Variants in GLDC observed in about 807,000 individuals in gnomAD.
GLDC encodes the protein glycine dehydrogenase (decarboxylating), mitochondrial.
In GLDC, 104 loss-of-function variants were observed where a neutral mutation model predicts 121.3. That is an observed-to-expected ratio of 0.86 (90% CI 0.73 to 1.01). The LOEUF is 1.01. Among genes scored for constraint, GLDC ranks in the 50% least tolerant of loss-of-function variants. The pLI is 0.00. For synonymous variants in GLDC, 546 were observed against 480.6 expected (o/e 1.14, Z -1.78); for missense variants, 1,429 against 1,306.6 (o/e 1.09, Z -1.44).
chr9:6,569,353 G>C (rs531692893), intron 15 of GLDC: 5 of 152,050 alleles, frequency 3.3e-5, no homozygotes, highest in Non-Finnish European at 5.9e-5. Context: ...AACATACTGA[G>C]AATTAGAAAT....
chr9:6,641,321 G>A (rs534397504), intron 2 of GLDC, among the ~76,000 whole-genome samples: 1 of 152,312 alleles, frequency 6.6e-6, no homozygotes, highest in Admixed American at 6.5e-5. Context: ...GTGTTCCCAC[G>A]TCTGTGCTGC....
chr9:6,550,787 T>A lies in GLDC; in HGVS notation c.2569+16A>T, dbSNP rs1421800551. ...GAAAAAAACCAAAGTAATGATAGAT[T>A]AAAGTTGATACTTGCCTCTTGCACC... is the stretch of plus-strand genomic sequence containing the variant. On this transcript the variant is annotated intron_variant, in intron 21 of 24. Transcript: ENST00000321612. 3.2e-6 allele frequency: 5 copies of A among 1,538,646 alleles called. No homozygotes were observed. In the East Asian group the frequency reaches 1.1e-4, roughly 35 times the overall value.
chr9:6,558,388 G>C lies in GLDC; in HGVS notation c.2052+171C>G, dbSNP rs146514919. On this transcript the variant is annotated intron_variant, in intron 17 of 24. Coordinates refer to ENST00000321612, the MANE Select transcript of GLDC (RefSeq NM_000170.3). ...ACACAAGCTGGAATTAGAAAACGGG[G>C]ATTTCTCCCTGTTGGTGATGGGAGG... 163 of 770,802 alleles carry C rather than the reference G, an allele frequency of 2.1e-4. No individual in the cohort carries two copies. In the African/African-American group the frequency reaches 2.6e-3, roughly 12 times the overall value. The allele number at this position is 770,802 out of a possible 1,614,324, so 47.7% of individuals were successfully genotyped here. A position where few individuals can be genotyped will look rare whatever the true frequency, so the allele number is the denominator to read the frequency against.
chr9:6,579,398 T>G (rs1818131818), intron 15 of GLDC, among the ~76,000 whole-genome samples: 1 of 152,236 alleles, frequency 6.6e-6, no homozygotes, highest in Non-Finnish European at 1.5e-5. Flanking sequence ...TCTGAGTTCC[T>G]TAACTTTTCC....
chr9:6,582,900 A>C (rs1818199707), intron 15 of GLDC, among the ~76,000 whole-genome samples: 1 of 152,218 alleles, frequency 6.6e-6, no homozygotes, highest in Admixed American at 6.5e-5. Flanking sequence ...AAATGGGCAA[A>C]GGACTTGAAT....
Position 6,533,086 on chromosome 9 carries a change from C to G in GLDC, c.2994G>C (p.Leu998=), listed in dbSNP as rs759229432. 1 of 1,611,676 alleles carries G rather than the reference C, an allele frequency of 6.2e-7. No homozygotes were observed. Among genetic ancestry groups the G allele is most frequent in the East Asian group, 2.2e-5 (1 of 44,864 alleles). The part of the protein sequence containing the change: ...RIDDIYGDQH[L]VCTCPPMEVY... ...CTTCCATGGGTGGGCAGGTACAAAC[C>G]AGGTGCTGATCTCCATATATGTCAT... The change falls in exon 25 of 25, where the codon CTG becomes CTC. Residue 998 remains leucine, a synonymous_variant. Coordinates refer to ENST00000321612, the MANE Select transcript of GLDC (RefSeq NM_000170.3).
intron 16 of GLDC, 107 bp from the exon 17 acceptor site, chr9:6,558,791 T>C: frequency 8.5e-7 from 1 of 1,172,768 alleles, no homozygotes; most frequent in Non-Finnish European, 1.3e-6. Context: ...ACACCACCTG[T>C]TTTTATTTAG....
chr9:6,562,999 C>G (rs1211828618), intron 16 of GLDC, among the ~76,000 whole-genome samples: 1 of 152,216 alleles, frequency 6.6e-6, no homozygotes, highest in Admixed American at 6.5e-5. Context: ...AGCCCCTCTC[C>G]CTCCTGCAGA....
chr9:6,556,628 A>C (rs1450847527), intron 17 of GLDC, among the ~76,000 whole-genome samples: 2 of 152,082 alleles, frequency 1.3e-5, no homozygotes. Flanking sequence ...CCCCGTCTCT[A>C]CTAAAAATAC....
intron 5 of GLDC, chr9:6,605,818 G>C (rs912634865): frequency 5.4e-5 from 11 of 204,370 alleles, no homozygotes; most frequent in Non-Finnish European, 8.0e-5. Flanking sequence ...TGTTTTACCT[G>C]ATTACAGCAC....
chr9:6,554,542 A>C, intron 19 of GLDC, 127 bp downstream of exon 19: 1 of 752,834 alleles, frequency 1.3e-6, no homozygotes, highest in Non-Finnish European at 2.4e-6. Context: ...CCCAGCCCCT[A>C]CAAGTGCACT....
chr9:6,565,265 G>T (rs1435488146), intron 16 of GLDC, 89 bp downstream of exon 16: 2 of 893,760 alleles, frequency 2.2e-6, no homozygotes, highest in South Asian at 1.3e-5. Flanking sequence ...TTCCAAGAAG[G>T]CTTGGAGGGA....
At chr9:6,538,779 A>G (rs1409498395) in intron 22 of GLDC, among the ~76,000 whole-genome samples, 2 of 152,210 alleles carry the variant, frequency 1.3e-5, no homozygotes, top group Non-Finnish European at 2.9e-5. Flanking sequence ...GGCATCCACA[A>G]AGTGAGTGTG....
chr9:6,642,852 C>T (rs1819655775), intron 2 of GLDC, among the ~76,000 whole-genome samples: 1 of 152,110 alleles, frequency 6.6e-6, no homozygotes, highest in African/African-American at 2.4e-5. Context: ...CACAACTCTT[C>T]ACTCTTCACA....
In GLDC at chr9:6,644,635, A is replaced by G; in HGVS notation, c.313T>C (p.Leu105=). Residue 105 remains leucine, a synonymous_variant, in exon 2 of 25, where the codon TTG becomes CTG. Transcript: ENST00000321612. Reference sequence around the variant, plus strand: ...TTACAAACAGGGTCTTCCATTTTCAAGGGTCTTTTCAAACGGATGTTGGCA... The same window carrying G: ...TTACAAACAGGGTCTTCCATTTTCAGGGGTCTTTTCAAACGGATGTTGGCA... ...VPANIRLKRP[L]KMEDPVCENE... The G allele has an allele frequency of 1.2e-6, 2 of 1,612,718 alleles. No homozygotes were observed. Among genetic ancestry groups the G allele is most frequent in the South Asian group, 1.1e-5 (1 of 91,070 alleles).
At chr9:6,569,973 C>G (rs914325385) in intron 15 of GLDC, among the ~76,000 whole-genome samples, 1 of 152,120 alleles carries the variant, frequency 6.6e-6, no homozygotes, top group South Asian at 2.1e-4. Flanking sequence ...GAGACTCAGG[C>G]TCATGGCCGG....
At chr9:6,617,063 T>C (rs1818980169) in intron 3 of GLDC, among the ~76,000 whole-genome samples, 1 of 152,330 alleles carries the variant, frequency 6.6e-6, no homozygotes, top group Middle Eastern at 3.4e-3. Context: ...ATGTTTGTTT[T>C]CTTTCGAGGC....
chr9:6,627,165 G>C (rs987060859), intron 2 of GLDC, among the ~76,000 whole-genome samples: 3 of 151,634 alleles, frequency 2.0e-5, no homozygotes, highest in Non-Finnish European at 4.4e-5. Context: ...GTGTGTTGGC[G>C]GGCACCTGTA....
intron 15 of GLDC, among the ~76,000 whole-genome samples, chr9:6,575,822 T>C (rs1047519133): frequency 2.0e-5 from 3 of 152,216 alleles, no homozygotes; most frequent in African/African-American, 7.2e-5. Flanking sequence ...TAGAATGTAC[T>C]TATGAGCTGC....
Sources: gnomAD v4.1 joint callset for allele counts (sites outside exome capture counted in the v4.1 genomes callset) on GRCh38, gnomAD v4.1.1 for gene constraint, MANE v1.5 for transcripts, NCBI Gene and HGNC (gene_info 2026-07-23, HGNC 2026-07-21) for gene names.